Variants in TRIM71 observed in about 807,000 individuals in gnomAD.
TRIM71 encodes the protein E3 ubiquitin-protein ligase TRIM71.
A neutral mutation model predicts 61.2 loss-of-function variants in TRIM71; 9 were observed. The ratio of observed to expected loss-of-function variants is 0.15; its 90% CI spans 0.09 to 0.26. The LOEUF (loss-of-function observed/expected upper bound fraction) is 0.26, where lower values mean the gene tolerates loss of function less well. Ranked by LOEUF, TRIM71 falls within the 10% of genes least tolerant of loss-of-function variation. The pLI, the probability that TRIM71 is intolerant of heterozygous loss-of-function variation, is 1.00. For missense variants in TRIM71, 998 were observed against 1,238.7 expected, an observed-to-expected ratio of 0.81 and a Z score of 2.92; for synonymous variants, 645 against 553.2, an observed-to-expected ratio of 1.17 and a Z score of -2.33.
At chr3:32,831,156 G>C (rs1278517919) in intron 1 of TRIM71, among the ~76,000 whole-genome samples, 9 of 152,150 alleles carry the variant, frequency 5.9e-5, no homozygotes, top group Non-Finnish European at 1.3e-4. Context: ...GTGGGGGACC[G>C]TGGGGGATTT....
intron 2 of TRIM71, among the ~76,000 whole-genome samples, chr3:32,880,178 A>T (rs533975061): frequency 9.9e-5 from 15 of 151,764 alleles, no homozygotes; most frequent in African/African-American, 3.6e-4. Context: ...GGCCTGTACC[A>T]CCACGCCTGG....
At chr3:32,852,337 C>T (rs1458275681) in intron 1 of TRIM71, among the ~76,000 whole-genome samples, 1 of 152,164 alleles carries the variant, frequency 6.6e-6, no homozygotes, top group Non-Finnish European at 1.5e-5. Context: ...TCCAGCTTCT[C>T]CATATGTCCA....
chr3:32,881,805 G>A (rs912487378), intron 2 of TRIM71, among the ~76,000 whole-genome samples: 8 of 152,178 alleles, frequency 5.3e-5, no homozygotes, highest in Non-Finnish European at 1.0e-4. Flanking sequence ...AGTTCAATAA[G>A]TCCTGGTCTG....
chr3:32,831,536 C>CTTTTTTTTTTTT (rs71068093), intron 1 of TRIM71, among the ~76,000 whole-genome samples: 1 of 96,700 alleles, frequency 1.0e-5, no homozygotes, highest in Non-Finnish European at 2.1e-5. Flanking sequence ...GCTTATCTTC[C>CTTTTTTTTTTTT]TTTTTTTTTT....
At chr3:32,873,168 G>C (rs1352303929) in intron 1 of TRIM71, among the ~76,000 whole-genome samples, 1 of 145,066 alleles carries the variant, frequency 6.9e-6, no homozygotes, top group Non-Finnish European at 1.5e-5. Context: ...TGCCTCCCAG[G>C]TTCAACTCCT....
At chr3:32,881,884 A>C (rs1696911983) in intron 2 of TRIM71, among the ~76,000 whole-genome samples, 1 of 152,156 alleles carries the variant, frequency 6.6e-6, no homozygotes, top group Non-Finnish European at 1.5e-5. Flanking sequence ...TTTTTCCACT[A>C]TGCATTGGGT....
intron 1 of TRIM71, among the ~76,000 whole-genome samples, chr3:32,850,082 A>G (rs944437010): frequency 2.6e-5 from 4 of 152,230 alleles, no homozygotes; most frequent in Admixed American, 2.6e-4. Flanking sequence ...GCCCTGTGGC[A>G]TGGAGGTTCG....
At chr3:32,850,793 G>A (rs932315892) in intron 1 of TRIM71, among the ~76,000 whole-genome samples, 1 of 152,054 alleles carries the variant, frequency 6.6e-6, no homozygotes, top group Non-Finnish European at 1.5e-5. Flanking sequence ...TGCCCTATCC[G>A]CCTGTTTCTC....
chr3:32,879,206 G>A (rs1243877481), intron 2 of TRIM71, among the ~76,000 whole-genome samples: 2 of 152,242 alleles, frequency 1.3e-5, no homozygotes, highest in Admixed American at 6.5e-5. Flanking sequence ...TTTGGCTTAA[G>A]GAGATGTTAT....
intron 1 of TRIM71, among the ~76,000 whole-genome samples, chr3:32,832,923 C>T (rs1312585544): frequency 2.0e-5 from 3 of 151,926 alleles, no homozygotes; most frequent in East Asian, 1.9e-4. Flanking sequence ...GCCTTAATCC[C>T]AGCACTTTGG....
intron 1 of TRIM71, among the ~76,000 whole-genome samples, chr3:32,822,932 A>G (rs1007845434): frequency 1.3e-5 from 2 of 152,344 alleles, no homozygotes; most frequent in African/African-American, 2.4e-5. Context: ...AATTTCAACA[A>G]ATTTTTAAAA....
Position 32,892,251 on chromosome 3 carries a change from AC to A in TRIM71, c.*441del, listed in dbSNP as rs1320161818. 2.6e-5 allele frequency: 4 copies of A among 155,480 alleles called. No homozygotes were observed. Among genetic ancestry groups the A allele is most frequent in the Admixed American group, 2.6e-4 (4 of 15,676 alleles). The allele number at this position is 155,480 out of a possible 1,614,324, so 9.6% of individuals were successfully genotyped here. A position where few individuals can be genotyped will look rare whatever the true frequency, so the allele number is the denominator to read the frequency against. The stretch of plus-strand genomic sequence containing the variant: ...TTGAGCCAAGGAAACACAAAAAAAA[AC>A]TACTAAGTAAAAAAACAAAAAACTA... On this transcript the variant is annotated 3_prime_UTR_variant, in exon 4 of 4. Transcript: ENST00000383763.
chr3:32,859,355 G>T (rs1382253662), intron 1 of TRIM71, among the ~76,000 whole-genome samples: 1 of 152,156 alleles, frequency 6.6e-6, no homozygotes, highest in Non-Finnish European at 1.5e-5. Context: ...TGTCTCCTGG[G>T]TTCAAACGAT....
intron 1 of TRIM71, among the ~76,000 whole-genome samples, chr3:32,851,937 A>G (rs554741932): frequency 3.9e-4 from 59 of 152,342 alleles, no homozygotes; most frequent in African/African-American, 1.4e-3. Flanking sequence ...TCACTTAGGC[A>G]TAGCAACAGC....
intron 1 of TRIM71, among the ~76,000 whole-genome samples, chr3:32,824,158 T>TA (rs1291278104): frequency 6.6e-6 from 1 of 152,188 alleles, no homozygotes; most frequent in Non-Finnish European, 1.5e-5. Context: ...TATAGCTACT[T>TA]ACTTAATACT....
chr3:32,819,717 A>T (rs1575337890), intron 1 of TRIM71, among the ~76,000 whole-genome samples: 1 of 151,868 alleles, frequency 6.6e-6, no homozygotes, highest in Admixed American at 6.6e-5. Flanking sequence ...GGACGACGTT[A>T]CCTTCACCAG....
intron 1 of TRIM71, among the ~76,000 whole-genome samples, chr3:32,843,736 T>G (rs1696437491): frequency 6.6e-6 from 1 of 152,188 alleles, no homozygotes; most frequent in African/African-American, 2.4e-5. Context: ...CAAGTAACAT[T>G]CTGGAGGAGT....
Position 32,891,423 on chromosome 3 carries a change from A to T in TRIM71, c.2219A>T (p.Glu740Val), listed in dbSNP as rs1414862774. Residue 740 changes from glutamate to valine, a missense_variant, in exon 4 of 4, where the codon GAG (glutamate) becomes GTG (valine). Glu to Val is a moderately radical substitution (Grantham distance 121). Transcript: ENST00000383763. The surrounding 1 kb of genome is among the most constrained non-coding windows in gnomAD (Gnocchi z 8.2). ...GTCTTCCTAAACAAGTATGGCTTCG[A>T]GGGGGCTCTCTGGAAGCACTTTGAC... ...DGVFLNKYGF[E>V]GALWKHFDSP... 7 of 1,613,846 alleles carry T rather than the reference A, an allele frequency of 4.3e-6. No individual in the cohort carries two copies. Among genetic ancestry groups the T allele is most frequent in the Admixed American group, 1.7e-5 (1 of 59,990 alleles).
At chr3:32,871,887 T>A (rs564044612) in intron 1 of TRIM71, among the ~76,000 whole-genome samples, 1 of 152,360 alleles carries the variant, frequency 6.6e-6, no homozygotes, top group African/African-American at 2.4e-5. Flanking sequence ...CTCACGCCTG[T>A]AATCCCAGCA....
Sources: gnomAD v4.1 joint callset for allele counts (sites outside exome capture counted in the v4.1 genomes callset) on GRCh38, gnomAD v4.1.1 for gene constraint, Gnocchi (gnomAD v3.1) non-coding constraint, MANE v1.5 for transcripts, NCBI Gene and HGNC (gene_info 2026-07-23, HGNC 2026-07-21) for gene names.